Variants in GRM8 observed in about 807,000 individuals in gnomAD.
GRM8 encodes the protein glutamate metabotropic receptor 8, also known as metabotropic glutamate receptor 8.
Under a neutral mutation model 87.2 loss-of-function variants are expected in GRM8, and 47 were observed. That is an observed-to-expected ratio of 0.54 (90% CI 0.43 to 0.69). GRM8 has a LOEUF of 0.69. Ranked by LOEUF, GRM8 falls within the 30% of genes least tolerant of loss-of-function variation. The pLI is 0.00. For missense variants in GRM8, 1,019 were observed against 1,139.2 expected (o/e 0.89, Z 1.52); for synonymous variants, 396 against 404.5 (o/e 0.98, Z 0.25).
intron 3 of GRM8, among the ~76,000 whole-genome samples, chr7:127,028,438 A>C (rs1010699561): frequency 6.6e-6 from 1 of 152,202 alleles, no homozygotes. Flanking sequence ...CTGTGGTAGA[A>C]TTTGGCTGTG....
chr7:126,572,575 T>C (rs1048343876), intron 8 of GRM8, among the ~76,000 whole-genome samples: 2 of 152,206 alleles, frequency 1.3e-5, no homozygotes, highest in African/African-American at 4.8e-5. Flanking sequence ...AATTTTCTAT[T>C]ATTGTTTCCA....
chr7:127,184,793 T>C (rs1463711764), intron 2 of GRM8, among the ~76,000 whole-genome samples: 3 of 151,916 alleles, frequency 2.0e-5, no homozygotes, highest in African/African-American at 7.2e-5. Flanking sequence ...TATAGAAGAA[T>C]AGAAGGTTAA....
At chr7:126,974,767 A>C (rs1179058758) in intron 3 of GRM8, among the ~76,000 whole-genome samples, 4 of 151,940 alleles carry the variant, frequency 2.6e-5, no homozygotes, top group Non-Finnish European at 5.9e-5. Flanking sequence ...TCCTGTCTCT[A>C]CTAAAAATAT....
chr7:126,653,169 G>T (rs1268053635), intron 7 of GRM8, among the ~76,000 whole-genome samples: 2 of 151,966 alleles, frequency 1.3e-5, no homozygotes, highest in African/African-American at 4.8e-5. Context: ...AAGGTGTGTT[G>T]GTACATGCCT....
Position 126,881,208 on chromosome 7 carries a change from T to A in GRM8, c.1156+21334A>T, listed in dbSNP as rs115402229. 6.9e-3 allele frequency among the ~76,000 whole-genome samples: 1,054 copies of A among 152,188 alleles called. 11 individuals are homozygous for A. Among genetic ancestry groups the A allele is most frequent in the African/African-American group, 0.024 (1,000 of 41,520 alleles). On this transcript the variant is annotated intron_variant, in intron 6 of 10. Transcript: ENST00000339582. ...TATTTGCATAAATTGTAGACAGACT[T>A]AAGGAGCAAACAAGATGGCAGGGCA... is the stretch of plus-strand genomic sequence containing the variant.
At chr7:126,981,747 G>A (rs575641832) in intron 3 of GRM8, 1 of 152,186 alleles carries the variant, frequency 6.6e-6, no homozygotes, top group Non-Finnish European at 1.5e-5. Flanking sequence ...TTTGGCCTAA[G>A]GGTGGCTTTT....
chr7:126,468,992 A>C (rs1192302007), intron 9 of GRM8, among the ~76,000 whole-genome samples: 1 of 152,138 alleles, frequency 6.6e-6, no homozygotes, highest in African/African-American at 2.4e-5. Flanking sequence ...GAACTTCACA[A>C]ACTTCTATAC....
chr7:126,604,638 C>T (rs1798172649), intron 8 of GRM8, among the ~76,000 whole-genome samples: 1 of 71,238 alleles, frequency 1.4e-5, no homozygotes, highest in Non-Finnish European at 3.9e-5. Flanking sequence ...ATGCCCAAGG[C>T]TGGCTATACA....
intron 7 of GRM8, among the ~76,000 whole-genome samples, chr7:126,727,405 AC>A (rs1268798930): frequency 6.6e-6 from 1 of 151,872 alleles, no homozygotes; most frequent in Non-Finnish European, 1.5e-5. Context: ...ATAGTATATG[AC>A]TACATGGGAA....
chr7:126,570,216 T>C (rs920727859), intron 8 of GRM8, among the ~76,000 whole-genome samples: 1 of 152,230 alleles, frequency 6.6e-6, no homozygotes, highest in African/African-American at 2.4e-5. Flanking sequence ...CCACTCTCTA[T>C]ATTACATATT....
At chr7:126,844,848 T>C (rs113926286) in intron 6 of GRM8, among the ~76,000 whole-genome samples, 1,725 of 152,326 alleles carry the variant, frequency 0.011, 12 homozygotes, top group Non-Finnish European at 0.017. Context: ...TTCACTCTTA[T>C]ACTGTCATTT....
chr7:127,150,175 C>A (rs1479054761), intron 2 of GRM8, among the ~76,000 whole-genome samples: 2 of 151,980 alleles, frequency 1.3e-5, no homozygotes, highest in African/African-American at 2.4e-5. Flanking sequence ...AAATAAAATT[C>A]TATTTCCCTT....
chr7:126,919,308 G>T (rs1804252140), intron 3 of GRM8, among the ~76,000 whole-genome samples: 1 of 152,130 alleles, frequency 6.6e-6, no homozygotes, highest in Non-Finnish European at 1.5e-5. Flanking sequence ...AACATTTTGT[G>T]TTTCTATGAA....
intron 9 of GRM8, among the ~76,000 whole-genome samples, chr7:126,468,931 A>G (rs1016613934): frequency 6.6e-6 from 1 of 152,116 alleles, no homozygotes; most frequent in African/African-American, 2.4e-5. Context: ...CTTAACTTTT[A>G]TTTGATAAAA....
intron 3 of GRM8, among the ~76,000 whole-genome samples, chr7:127,014,991 GAAGAAGAAGA>G (rs1274893120): frequency 3.2e-4 from 41 of 127,528 alleles, no homozygotes; most frequent in African/African-American, 1.2e-3. Context: ...AGAAGAGGAA[GAAGAAGAAGA>G]AAGAAGAAGA....
At chr7:127,086,804 T>C (rs992409338) in intron 3 of GRM8, among the ~76,000 whole-genome samples, 1 of 152,172 alleles carries the variant, frequency 6.6e-6, no homozygotes, top group East Asian at 1.9e-4. Context: ...TGTTTTAGCA[T>C]AAATAAAAGA....
intron 8 of GRM8, among the ~76,000 whole-genome samples, chr7:126,557,123 C>T (rs193103650): frequency 2.0e-5 from 3 of 152,296 alleles, no homozygotes; most frequent in East Asian, 3.9e-4. Flanking sequence ...GTGATATTCA[C>T]TGGAATACTG....
At chr7:127,202,087 C>T (rs2188185) in intron 2 of GRM8, among the ~76,000 whole-genome samples, 148,893 of 152,294 alleles carry the variant, frequency 0.98, 72,796 homozygotes, top group East Asian at 1. Flanking sequence ...TTAGAATGTA[C>T]ATGTATATAC....
At chr7:127,073,044 G>A (rs899987680) in intron 3 of GRM8, among the ~76,000 whole-genome samples, 3 of 152,028 alleles carry the variant, frequency 2.0e-5, no homozygotes, top group African/African-American at 7.3e-5. Context: ...GAGAGAAAGT[G>A]AAGGGGAAAT....
Sources: allele counts gnomAD v4.1 joint callset (sites outside exome capture counted in the v4.1 genomes callset), GRCh38; gene constraint gnomAD v4.1.1; transcripts MANE v1.5; gene names NCBI Gene and HGNC (gene_info 2026-07-23, HGNC 2026-07-21).